Variants in GALNTL6 observed in about 807,000 individuals in gnomAD.
The protein encoded by GALNTL6 is polypeptide N-acetylgalactosaminyltransferase-like 6.
Under a neutral mutation model 73.7 loss-of-function variants are expected in GALNTL6, and 46 were observed. That is an observed-to-expected ratio of 0.62 (90% CI 0.49 to 0.80). GALNTL6 has a LOEUF of 0.80. Ranked by LOEUF, GALNTL6 falls within the 30% of genes least tolerant of loss-of-function variation. The pLI, the probability that GALNTL6 is intolerant of heterozygous loss-of-function variation, is 0.00. For synonymous variants in GALNTL6, 259 were observed against 263.7 expected, an observed-to-expected ratio of 0.98 and a Z score of 0.17; for missense variants, 604 against 755.0, an observed-to-expected ratio of 0.80 and a Z score of 2.34.
chr4:172,761,669 T>TTCTCTCTCTCTCTCTCTCTCTC (rs33989573), intron 5 of GALNTL6, among the ~76,000 whole-genome samples: 39 of 147,280 alleles, frequency 2.6e-4, no homozygotes, highest in African/African-American at 9.6e-4. Context: ...CTTGCTCTCT[T>TTCTCTCTCTCTCTCTCTCTCTC]TCTCTCTCTC....
chr4:172,097,149 GTT>G (rs1732379283), intron 2 of GALNTL6, among the ~76,000 whole-genome samples: 1 of 152,088 alleles, frequency 6.6e-6, no homozygotes, highest in South Asian at 2.1e-4. Context: ...TAACCTTCCT[GTT>G]TTTGGTCGTA....
intron 5 of GALNTL6, among the ~76,000 whole-genome samples, chr4:172,364,969 G>T (rs1434687109): frequency 6.6e-6 from 1 of 152,152 alleles, no homozygotes; most frequent in Non-Finnish European, 1.5e-5. Flanking sequence ...GCAAACATAG[G>T]TGCTTGTTTT....
chr4:171,982,569 A>G (rs113567727), intron 2 of GALNTL6, among the ~76,000 whole-genome samples: 3,460 of 152,166 alleles, frequency 0.023, 143 homozygotes, highest in African/African-American at 0.077. Context: ...AAGTGCTGGG[A>G]TTACAAGCAT....
intron 2 of GALNTL6, among the ~76,000 whole-genome samples, chr4:172,203,427 C>T (rs547829450): frequency 2.2e-4 from 34 of 152,020 alleles, no homozygotes; most frequent in African/African-American, 7.5e-4. Context: ...GAAACGATGG[C>T]GGTATTTTAA....
chr4:172,191,143 T>C (rs1735569095), intron 2 of GALNTL6, among the ~76,000 whole-genome samples: 1 of 152,238 alleles, frequency 6.6e-6, no homozygotes, highest in African/African-American at 2.4e-5. Flanking sequence ...TGCCCTTTAA[T>C]TTCAATGCTC....
intron 7 of GALNTL6, among the ~76,000 whole-genome samples, chr4:172,824,245 G>A (rs571826731): frequency 2.0e-5 from 3 of 152,142 alleles, no homozygotes; most frequent in South Asian, 2.1e-4. Flanking sequence ...AGGGGTCAGC[G>A]AGCAGTCTCT....
chr4:171,903,430 G>C (rs1406551931), intron 2 of GALNTL6, among the ~76,000 whole-genome samples: 1 of 152,124 alleles, frequency 6.6e-6, no homozygotes, highest in East Asian at 1.9e-4. Flanking sequence ...ACTGCGCTTT[G>C]CCGAAGGGCT....
At chr4:172,553,558 T>A (rs1380090831) in intron 5 of GALNTL6, among the ~76,000 whole-genome samples, 1 of 152,168 alleles carries the variant, frequency 6.6e-6, no homozygotes, top group Admixed American at 6.5e-5. Context: ...AAATCTGAAC[T>A]CCTGTTAGTA....
At chr4:171,908,339 C>T (rs1049305601) in intron 2 of GALNTL6, among the ~76,000 whole-genome samples, 3 of 151,978 alleles carry the variant, frequency 2.0e-5, no homozygotes, top group Admixed American at 2.0e-4. Context: ...GGGAGAAGGA[C>T]ATGAACAGAC....
At chr4:171,967,944 C>G (rs1472100990) in intron 2 of GALNTL6, among the ~76,000 whole-genome samples, 2 of 152,122 alleles carry the variant, frequency 1.3e-5, no homozygotes, top group African/African-American at 4.8e-5. Flanking sequence ...GGTCCTAGGA[C>G]GCCTGAAGCA....
chr4:172,455,265 A>C lies in GALNTL6; in HGVS notation c.553+106576A>C, dbSNP rs544296715. ...TACACCACCAGGGCCCTGGGTTTCA[A>C]GCACAAAACTGGGCAGCCATTTGGG... On this transcript the variant is annotated intron_variant, in intron 5 of 12. Transcript: ENST00000506823. Among the ~76,000 whole-genome samples the C allele has an allele frequency of 6.6e-5, 10 of 152,322 alleles. No individual in the cohort carries two copies. In the South Asian group the frequency reaches 1.0e-3, roughly 16 times the overall value.
At chr4:172,076,373 C>T (rs1461830843) in intron 2 of GALNTL6, among the ~76,000 whole-genome samples, 1 of 152,130 alleles carries the variant, frequency 6.6e-6, no homozygotes, top group East Asian at 1.9e-4. Flanking sequence ...ATTTCATATG[C>T]CAACCTTTGT....
At chr4:172,413,664 T>G (rs966942353) in intron 5 of GALNTL6, among the ~76,000 whole-genome samples, 5 of 151,858 alleles carry the variant, frequency 3.3e-5, no homozygotes, top group Admixed American at 2.6e-4. Context: ...AGTTTTTTTT[T>G]TTTTTTTTGC....
intron 2 of GALNTL6, among the ~76,000 whole-genome samples, chr4:171,860,818 C>T (rs1735811594): frequency 6.6e-6 from 1 of 152,076 alleles, no homozygotes; most frequent in Non-Finnish European, 1.5e-5. Flanking sequence ...GTCATTTTTG[C>T]CTTAAAGTGT....
chr4:171,982,540 C>T (rs995133528), intron 2 of GALNTL6, among the ~76,000 whole-genome samples: 5 of 152,052 alleles, frequency 3.3e-5, no homozygotes, highest in East Asian at 1.9e-4. Flanking sequence ...CCTCGTGATT[C>T]GCCCGCCTCA....
At chr4:172,740,098 C>A (rs1736713647) in intron 5 of GALNTL6, among the ~76,000 whole-genome samples, 1 of 151,996 alleles carries the variant, frequency 6.6e-6, no homozygotes, top group Admixed American at 6.6e-5. Context: ...GTGTTTTCTG[C>A]TCCCTGGATA....
chr4:172,632,435 C>T (rs1739438791), intron 5 of GALNTL6, among the ~76,000 whole-genome samples: 2 of 152,078 alleles, frequency 1.3e-5, no homozygotes, highest in African/African-American at 4.8e-5. Context: ...TTGCTGGGTA[C>T]TGGAGTAAAG....
chr4:171,943,841 G>T (rs1199548424), intron 2 of GALNTL6, among the ~76,000 whole-genome samples: 3 of 151,884 alleles, frequency 2.0e-5, no homozygotes, highest in Non-Finnish European at 4.4e-5. Context: ...TCTTCCTACG[G>T]GTAGGCTTTT....
intron 2 of GALNTL6, among the ~76,000 whole-genome samples, chr4:172,113,716 A>G (rs1392695628): frequency 1.3e-5 from 2 of 152,074 alleles, no homozygotes; most frequent in African/African-American, 4.8e-5. Flanking sequence ...TCTTCAGGAA[A>G]CGCATTGAGA....
Sources: gnomAD v4.1 joint callset for allele counts (sites outside exome capture counted in the v4.1 genomes callset) on GRCh38, gnomAD v4.1.1 for gene constraint, MANE v1.5 for transcripts, NCBI Gene and HGNC (gene_info 2026-07-23, HGNC 2026-07-21) for gene names.